The following PIWIL2 variants were observed in gnomAD, a reference collection of about 807,000 sequenced individuals.
PIWIL2 encodes piwi like RNA-mediated gene silencing 2.
In PIWIL2, 81 loss-of-function variants were observed where a neutral mutation model predicts 116.5. The observed-to-expected ratio is 0.70, with a 90% CI of 0.58 to 0.84. The LOEUF is 0.84. PIWIL2 is among the 40% of genes least tolerant of loss of function. The pLI is 0.00. For missense variants in PIWIL2, 1,272 were observed against 1,212.3 expected, an observed-to-expected ratio of 1.05 and a Z score of -0.73; for synonymous variants, 489 against 429.5, an observed-to-expected ratio of 1.14 and a Z score of -1.71.
At chr8:22,306,118 G>T in intron 13 of PIWIL2, 102 bp downstream of exon 13, 1 of 779,868 alleles carries the variant, frequency 1.3e-6, no homozygotes, top group Admixed American at 2.0e-5. Flanking sequence ...TCTGATGTTG[G>T]CTTGCATTGT....
chr8:22,291,807 TCC>T (rs1045275422), intron 10 of PIWIL2, among the ~76,000 whole-genome samples: 1 of 151,986 alleles, frequency 6.6e-6, no homozygotes, highest in Non-Finnish European at 1.5e-5. Context: ...CAAAGATCCC[TCC>T]CCTCACAGAG....
chr8:22,303,977 TG>T, intron 10 of PIWIL2, 43 bp from the exon 11 acceptor site: 1 of 1,316,622 alleles, frequency 7.6e-7, no homozygotes, highest in Non-Finnish European at 1.1e-6. Flanking sequence ...CATACTGTTC[TG>T]GATATATACT....
chr8:22,354,505 GGTGT>G, intron 22 of PIWIL2, 127 bp downstream of exon 22: 1 of 544,584 alleles, frequency 1.8e-6, no homozygotes, highest in South Asian at 3.0e-5. Context: ...TGACAATTAT[GGTGT>G]CTTTTTGAGG....
At chr8:22,280,635 C>G (rs1830478138) in intron 2 of PIWIL2, among the ~76,000 whole-genome samples, 1 of 152,148 alleles carries the variant, frequency 6.6e-6, no homozygotes, top group Admixed American at 6.5e-5. Flanking sequence ...AGTAGACATT[C>G]AAGACTGCCA....
chr8:22,339,817 A>T (rs1832066436), intron 20 of PIWIL2, among the ~76,000 whole-genome samples: 1 of 152,200 alleles, frequency 6.6e-6, no homozygotes, highest in Non-Finnish European at 1.5e-5. Flanking sequence ...AAACATTTTG[A>T]CTAGACATTT....
Position 22,308,084 on chromosome 8 carries a change from A to T in PIWIL2, c.1686+11A>T. On this transcript the variant is annotated intron_variant, in intron 14 of 22. Transcript: ENST00000356766. ...AAGGATGTACATAAGGTAAACCAAA[A>T]AACGTGATGGTGTATGCACATGTAC... The T allele has an allele frequency of 6.2e-7, 1 of 1,610,844 alleles. No homozygotes were observed. The highest frequency in any genetic ancestry group is 8.5e-7 in the Non-Finnish European group (1 of 1,177,578).
chr8:22,307,964 A>G lies in PIWIL2; in HGVS notation c.1577A>G (p.Lys526Arg), dbSNP rs764253994. ...DLAQQINLSPKQHHSALECLL... is the reference protein window; with the variant it reads ...DLAQQINLSPRQHHSALECLL... ...GCTCAGCAAATCAATCTGAGCCCCA[A>G]GCAACACCATAGTGCTTTGGAATGC... is the stretch of plus-strand genomic sequence containing the variant. The change falls in exon 14 of 23, where the codon AAG (lysine) becomes AGG (arginine). Residue 526 changes from lysine (K) to arginine (R), a missense_variant. Physicochemically the swap from Lys to Arg is conservative, Grantham distance 26. Transcript: ENST00000356766. 5.0e-6 allele frequency: 8 copies of G among 1,612,564 alleles called. No homozygotes were observed. In the Admixed American group the frequency reaches 8.4e-5, roughly 17 times the overall value.
At chr8:22,296,125 G>A (rs529369656) in intron 10 of PIWIL2, among the ~76,000 whole-genome samples, 7 of 146,308 alleles carry the variant, frequency 4.8e-5, no homozygotes, top group Non-Finnish European at 7.4e-5. Context: ...GTGCGATCTC[G>A]GCTCACTGCA....
In PIWIL2 at chr8:22,290,274, C is replaced by T. The variant is rs1333866756; in HGVS notation, c.1109C>T (p.Thr370Ile). The change falls in exon 10 of 23, where the codon ACA becomes ATA. Residue 370 changes from threonine to isoleucine, a missense_variant. Physicochemically the swap from Thr to Ile is moderately conservative, Grantham distance 89. Coordinates refer to ENST00000356766, the MANE Select transcript of PIWIL2 (RefSeq NM_018068.5). ...WPGYAASIRR[T>I]DGGLFLLADV... ...GGCTATGCAGCTAGCATCCGAAGGA[C>T]AGATGGAGGGCTCTTCCTGCTAGCT... The T allele has an allele frequency of 6.2e-7, 1 of 1,612,014 alleles. No homozygotes were observed. The highest frequency in any genetic ancestry group is 1.3e-5 in the African/African-American group (1 of 74,914).
chr8:22,297,634 G>C (rs1178480462), intron 10 of PIWIL2, among the ~76,000 whole-genome samples: 1 of 152,176 alleles, frequency 6.6e-6, no homozygotes, highest in Non-Finnish European at 1.5e-5. Flanking sequence ...CTGCAGTGGG[G>C]ATTTACAGTA....
intron 10 of PIWIL2, among the ~76,000 whole-genome samples, chr8:22,299,514 C>T (rs925974160): frequency 1.3e-5 from 2 of 151,966 alleles, no homozygotes; most frequent in Non-Finnish European, 2.9e-5. Context: ...AGTCAATGAT[C>T]TTTTTTCTTA....
At chr8:22,281,065 T>A in intron 2 of PIWIL2, 55 bp from the exon 3 acceptor site, 1 of 1,039,172 alleles carries the variant, frequency 9.6e-7, no homozygotes, top group Non-Finnish European at 1.5e-6. Context: ...AAGAAAGCCC[T>A]TGTTTCTGGG....
chr8:22,303,037 A>G (rs957399096), intron 10 of PIWIL2, among the ~76,000 whole-genome samples: 2 of 152,184 alleles, frequency 1.3e-5, no homozygotes, highest in African/African-American at 4.8e-5. Context: ...AAAAGGTTGT[A>G]CACTTTTTGG....
intron 7 of PIWIL2, 48 bp from the exon 8 acceptor site, chr8:22,288,494 G>GT (rs1384308746): frequency 6.5e-7 from 1 of 1,534,216 alleles, no homozygotes; most frequent in Non-Finnish European, 9.0e-7. Flanking sequence ...TTGGTCATTA[G>GT]TTCTTAGTTT....
At chr8:22,307,288 C>G (rs1465723566) in intron 13 of PIWIL2, among the ~76,000 whole-genome samples, 1 of 151,758 alleles carries the variant, frequency 6.6e-6, no homozygotes, top group Non-Finnish European at 1.5e-5. Context: ...TCCCAAAGTG[C>G]TGGGATTACA....
At chr8:22,328,161 A>T (rs1039689788) in intron 20 of PIWIL2, among the ~76,000 whole-genome samples, 1 of 152,168 alleles carries the variant, frequency 6.6e-6, no homozygotes, top group Non-Finnish European at 1.5e-5. Flanking sequence ...GCATCTGGAT[A>T]TCTACTTGTC....
chr8:22,353,924 T>C (rs1832432499), intron 21 of PIWIL2, among the ~76,000 whole-genome samples: 2 of 151,964 alleles, frequency 1.3e-5, no homozygotes, highest in Non-Finnish European at 2.9e-5. Flanking sequence ...AATAGGCGTA[T>C]GCCACCATGC....
intron 19 of PIWIL2, among the ~76,000 whole-genome samples, chr8:22,317,505 T>A (rs906014378): frequency 6.6e-6 from 1 of 152,122 alleles, no homozygotes; most frequent in Non-Finnish European, 1.5e-5. Context: ...CAAATAAATC[T>A]CCACCAACTC....
At chr8:22,353,839 A>G (rs1402273460) in intron 21 of PIWIL2, among the ~76,000 whole-genome samples, 2 of 123,710 alleles carry the variant, frequency 1.6e-5, no homozygotes, top group East Asian at 2.7e-4. Flanking sequence ...CAATGATGTG[A>G]TCTCAGCTCA....
Sources: allele counts gnomAD v4.1 joint callset (sites outside exome capture counted in the v4.1 genomes callset), GRCh38; gene constraint gnomAD v4.1.1; transcripts MANE v1.5; gene names NCBI Gene and HGNC (gene_info 2026-07-23, HGNC 2026-07-21).